Variants in OXR1 observed in about 807,000 individuals in gnomAD.
The protein encoded by OXR1 is oxidation resistance protein 1.
A neutral mutation model predicts 104.6 loss-of-function variants in OXR1; 41 were observed. That is an observed-to-expected ratio of 0.39 (90% CI 0.31 to 0.51). OXR1 has a LOEUF of 0.51. Ranked by LOEUF, OXR1 falls within the 20% of genes least tolerant of loss-of-function variation. The probability of loss-of-function intolerance (pLI) is 0.77; values close to 1 mark genes in which losing one functional copy is unlikely to be tolerated. For synonymous variants in OXR1, 348 were observed against 348.4 expected (o/e 1.00, Z 0.01); for missense variants, 955 against 1,031.9 (o/e 0.93, Z 1.02).
chr8:106,479,659 G>A lies in OXR1; in HGVS notation c.24-39284G>A, dbSNP rs535312231. 5.9e-5 allele frequency among the ~76,000 whole-genome samples: 9 copies of A among 152,104 alleles called. No homozygotes were observed. In the South Asian group the frequency reaches 1.9e-3, roughly 32 times the overall value. On this transcript the variant is annotated intron_variant, in intron 2 of 16. Transcript: ENST00000517566. Reference sequence around the variant, plus strand: ...TTGAGGTATTTATGTTTACTATTTAGAGACAGACAATTAATTGACATAGGA... The same window carrying A: ...TTGAGGTATTTATGTTTACTATTTAAAGACAGACAATTAATTGACATAGGA...
At chr8:106,517,209 C>G (rs1050835349) in intron 2 of OXR1, among the ~76,000 whole-genome samples, 1 of 152,080 alleles carries the variant, frequency 6.6e-6, no homozygotes, top group African/African-American at 2.4e-5. Flanking sequence ...GTAATAACTC[C>G]CCAATGTTTA....
intron 3 of OXR1, among the ~76,000 whole-genome samples, chr8:106,543,901 A>G (rs911817591): frequency 1.3e-5 from 2 of 152,224 alleles, no homozygotes; most frequent in Non-Finnish European, 2.9e-5. Context: ...TCCTTTCCAA[A>G]TCTTTTATGA....
chr8:106,703,173 A>G (rs1294525153), intron 8 of OXR1, 83 bp downstream of exon 8: 2 of 822,984 alleles, frequency 2.4e-6, no homozygotes, highest in Non-Finnish European at 3.7e-6. Context: ...TATTTTTACT[A>G]GTTTTCTTAT....
rs146226402 is a variant in OXR1, at chr8:106,593,694, G to A, written c.220+74555G>A. ...CGGGAGGCTGAGGCAGGAGAATGGC[G>A]TGAACCAGGAGGCAGATCTTGCAGT... is the stretch of plus-strand genomic sequence containing the variant. On this transcript the variant is annotated intron_variant, in intron 3 of 16. Transcript: ENST00000517566. 9.7e-3 allele frequency among the ~76,000 whole-genome samples: 1,480 copies of A among 152,288 alleles called. 18 individuals carry two copies. Among genetic ancestry groups the A allele is most frequent in the East Asian group, 0.033 (173 of 5,168 alleles).
intron 2 of OXR1, among the ~76,000 whole-genome samples, chr8:106,499,362 A>AG (rs1384527823): frequency 6.6e-6 from 1 of 152,178 alleles, no homozygotes; most frequent in Non-Finnish European, 1.5e-5. Context: ...CCAGTTGATG[A>AG]GGGTCCTCCT....
At position 106,706,818 on chromosome 8, in the gene OXR1, A is replaced by G. The variant is rs1465738437; in HGVS notation, c.1297A>G (p.Ile433Val). The G allele has an allele frequency of 6.2e-7, 1 of 1,612,454 alleles. No homozygotes were observed. The highest frequency in any genetic ancestry group is 1.3e-5 in the African/African-American group (1 of 74,782). ...TCAGATTGCAGATAACTTTCAAGGA[A>G]TATCAGGTCCTAAAGAAGACAGCAC... ...EDQIADNFQG[I>V]SGPKEDSTSI... The change falls in exon 9 of 17, where the codon ATA becomes GTA. Residue 433 changes from isoleucine to valine, a missense_variant. Physicochemically the swap from Ile to Val is conservative, Grantham distance 29 (BLOSUM62 3). Coordinates refer to ENST00000517566, the MANE Select transcript of OXR1 (RefSeq NM_001198533.2).
intron 1 of OXR1, among the ~76,000 whole-genome samples, chr8:106,335,106 TTC>T (rs146889844): frequency 5.0e-4 from 75 of 150,498 alleles, no homozygotes; most frequent in Non-Finnish European, 8.0e-4. Context: ...AAACATGCCA[TTC>T]TCTCTCTCTC....
At chr8:106,417,076 T>C (rs1818711564) in intron 2 of OXR1, among the ~76,000 whole-genome samples, 1 of 152,098 alleles carries the variant, frequency 6.6e-6, no homozygotes, top group African/African-American at 2.4e-5. Flanking sequence ...TATATTTCTG[T>C]GTGATTAATA....
At chr8:106,745,724 G>T in intron 15 of OXR1, 65 bp from the exon 16 acceptor site, 1 of 754,236 alleles carries the variant, frequency 1.3e-6, no homozygotes, top group Non-Finnish European at 2.2e-6. Flanking sequence ...TTGAGTTTTG[G>T]AGAACTAACT....
intron 2 of OXR1, among the ~76,000 whole-genome samples, chr8:106,440,524 G>T (rs575411886): frequency 6.6e-6 from 1 of 152,202 alleles, no homozygotes; most frequent in African/African-American, 2.4e-5. Flanking sequence ...AGTTCTGGGT[G>T]ATAGAATAAT....
At chr8:106,514,488 C>T (rs1812738272) in intron 2 of OXR1, among the ~76,000 whole-genome samples, 1 of 151,974 alleles carries the variant, frequency 6.6e-6, no homozygotes. Context: ...AACGTGATGC[C>T]CTTCGAGTCT....
intron 1 of OXR1, among the ~76,000 whole-genome samples, chr8:106,342,247 T>C (rs116997115): frequency 0.098 from 14,750 of 149,910 alleles, 729 homozygotes; most frequent in South Asian, 0.17. Context: ...TTTCTTTTCT[T>C]TTTTCTTTTT....
At chr8:106,609,699 G>A (rs1178809420) in intron 3 of OXR1, among the ~76,000 whole-genome samples, 1 of 152,080 alleles carries the variant, frequency 6.6e-6, no homozygotes, top group Non-Finnish European at 1.5e-5. Flanking sequence ...ATTTTCCAAA[G>A]TTGAAAGTTA....
At chr8:106,567,670 T>C (rs144902053) in intron 3 of OXR1, among the ~76,000 whole-genome samples, 89 of 152,292 alleles carry the variant, frequency 5.8e-4, no homozygotes, top group African/African-American at 2.0e-3. Flanking sequence ...AGCTGTATCT[T>C]TTATGCATCC....
intron 1 of OXR1, chr8:106,272,118 T>TTA (rs879541822): frequency 6.6e-6 from 1 of 152,108 alleles, no homozygotes; most frequent in Non-Finnish European, 1.5e-5. Context: ...AAACACTACG[T>TTA]TACTAGAATA....
At chr8:106,348,387 C>T (rs2130298373) in intron 1 of OXR1, among the ~76,000 whole-genome samples, 1 of 152,250 alleles carries the variant, frequency 6.6e-6, no homozygotes, top group African/African-American at 2.4e-5. Flanking sequence ...CGACTTGTCC[C>T]ACGTTACTTC....
chr8:106,581,192 A>G (rs867266192), intron 3 of OXR1: 1 of 1,284,142 alleles, frequency 7.8e-7, no homozygotes, highest in African/African-American at 1.5e-5. Flanking sequence ...AACTTGACAA[A>G]CCACTGCTGC....
At chr8:106,312,309 A>G (rs1466569921) in intron 1 of OXR1, among the ~76,000 whole-genome samples, 2 of 152,210 alleles carry the variant, frequency 1.3e-5, no homozygotes, top group Non-Finnish European at 2.9e-5. Context: ...TTCAGTTTCA[A>G]TGGGGGATCA....
intron 11 of OXR1, among the ~76,000 whole-genome samples, chr8:106,736,375 C>T (rs920521243): frequency 3.3e-5 from 5 of 152,054 alleles, no homozygotes; most frequent in African/African-American, 1.2e-4. Context: ...TCATAGTTAC[C>T]TTAATGTTTA....
Sources: allele counts gnomAD v4.1 joint callset (sites outside exome capture counted in the v4.1 genomes callset), GRCh38; gene constraint gnomAD v4.1.1; transcripts MANE v1.5; gene names NCBI Gene and HGNC (gene_info 2026-07-23, HGNC 2026-07-21).